The following SCAPER variants were observed in gnomAD, a reference collection of about 807,000 sequenced individuals.
SCAPER encodes S-phase cyclin A associated protein in the ER.
A neutral mutation model predicts 182.2 loss-of-function variants in SCAPER; 98 were observed. That is an observed-to-expected ratio of 0.54 (90% CI 0.46 to 0.64). The LOEUF (loss-of-function observed/expected upper bound fraction) is 0.64, where lower values mean the gene tolerates loss of function less well. Ranked by LOEUF, SCAPER falls within the 30% of genes least tolerant of loss-of-function variation. The pLI is 0.00. For synonymous variants in SCAPER, 605 were observed against 564.6 expected (o/e 1.07, Z -1.01); for missense variants, 1,432 against 1,690.0 (o/e 0.85, Z 2.68).
intron 5 of SCAPER, among the ~76,000 whole-genome samples, chr15:76,837,161 C>G (rs985153496): frequency 6.6e-6 from 1 of 152,258 alleles, no homozygotes; most frequent in East Asian, 1.9e-4. Flanking sequence ...GGTCCAATAT[C>G]TAGAATCTAT....
intron 23 of SCAPER, among the ~76,000 whole-genome samples, chr15:76,546,613 G>A (rs534062773): frequency 6.6e-6 from 1 of 151,424 alleles, no homozygotes; most frequent in African/African-American, 2.4e-5. Flanking sequence ...TTTTCTTTTT[G>A]ATGCTTTTAT....
chr15:76,569,331 T>C (rs965026300), intron 23 of SCAPER, among the ~76,000 whole-genome samples: 2 of 152,174 alleles, frequency 1.3e-5, no homozygotes, highest in African/African-American at 4.8e-5. Context: ...TCTGTTAATA[T>C]GATAGATCAT....
intron 5 of SCAPER, among the ~76,000 whole-genome samples, chr15:76,823,925 A>C (rs375610935): frequency 1.3e-5 from 2 of 152,108 alleles, no homozygotes; most frequent in South Asian, 4.1e-4. Flanking sequence ...AAAACTAACT[A>C]ACTCTGAAGG....
chr15:76,522,682 C>T (rs1346976724), intron 23 of SCAPER, among the ~76,000 whole-genome samples: 1 of 151,878 alleles, frequency 6.6e-6, no homozygotes, highest in African/African-American at 2.4e-5. Flanking sequence ...AGAGGAGTGA[C>T]GACTAAGGTG....
intron 27 of SCAPER, among the ~76,000 whole-genome samples, chr15:76,384,185 C>A (rs1381627534): frequency 2.0e-5 from 3 of 152,160 alleles, no homozygotes; most frequent in Non-Finnish European, 4.4e-5. Flanking sequence ...ATATTTCTCC[C>A]TAAAGCTAAT....
chr15:76,537,405 A>G (rs1330730650), intron 23 of SCAPER, among the ~76,000 whole-genome samples: 2 of 152,216 alleles, frequency 1.3e-5, no homozygotes, highest in Non-Finnish European at 2.9e-5. Context: ...GCCCTCAGAA[A>G]TAACGCTGCT....
intron 14 of SCAPER, among the ~76,000 whole-genome samples, chr15:76,760,158 G>A (rs888281806): frequency 3.3e-5 from 5 of 152,026 alleles, no homozygotes; most frequent in Non-Finnish European, 5.9e-5. Flanking sequence ...ACCTGGTCCC[G>A]CAGATTAGGG....
At chr15:76,426,883 G>A (rs1308850164) in intron 26 of SCAPER, among the ~76,000 whole-genome samples, 1 of 152,136 alleles carries the variant, frequency 6.6e-6, no homozygotes, top group African/African-American at 2.4e-5. Context: ...ATAGACCAAT[G>A]GAACAAAATA....
intron 16 of SCAPER, among the ~76,000 whole-genome samples, chr15:76,729,935 G>A (rs576508369): frequency 2.0e-5 from 3 of 151,854 alleles, no homozygotes; most frequent in South Asian, 2.1e-4. Flanking sequence ...ACAACCTCTC[G>A]GTAGCCTCTC....
intron 8 of SCAPER, among the ~76,000 whole-genome samples, chr15:76,782,459 T>G (rs1380580635): frequency 6.6e-6 from 1 of 152,092 alleles, no homozygotes; most frequent in Admixed American, 6.5e-5. Context: ...ACTATCCACA[T>G]TAGACAGATC....
At chr15:76,735,472 C>A (rs1188105490) in intron 15 of SCAPER, among the ~76,000 whole-genome samples, 3 of 151,918 alleles carry the variant, frequency 2.0e-5, no homozygotes, top group South Asian at 2.1e-4. Context: ...CCGAGACAGG[C>A]AGATTGCCTG....
intron 21 of SCAPER, among the ~76,000 whole-genome samples, chr15:76,629,049 C>T (rs768030128): frequency 2.0e-5 from 3 of 152,208 alleles, no homozygotes; most frequent in Admixed American, 6.5e-5. Flanking sequence ...AATTGCAGTT[C>T]ATCCATGATT....
intron 18 of SCAPER, among the ~76,000 whole-genome samples, chr15:76,705,192 T>C (rs1391076607): frequency 2.0e-5 from 3 of 151,556 alleles, no homozygotes; most frequent in African/African-American, 7.3e-5. Flanking sequence ...GTGGCACATA[T>C]ATACCATGGA....
chr15:76,748,435 A>C (rs972365301), intron 15 of SCAPER, among the ~76,000 whole-genome samples: 1 of 152,144 alleles, frequency 6.6e-6, no homozygotes, highest in Non-Finnish European at 1.5e-5. Flanking sequence ...GTAAATCTTC[A>C]TGATCTTGGA....
chr15:76,536,049 A>C (rs575018624), intron 23 of SCAPER, among the ~76,000 whole-genome samples: 1 of 152,348 alleles, frequency 6.6e-6, no homozygotes. Flanking sequence ...AACCATTCTG[A>C]AAGTATATGT....
Position 76,603,671 on chromosome 15 carries a change from T to C in SCAPER, c.2711+18093A>G, listed in dbSNP as rs1439989015. ...CACAGTGTAAAAGTGTTCCTATTTC[T>C]CCACATCCTCTCCAGCACCTGTTGT... On this transcript the variant is annotated intron_variant, in intron 22 of 31. Coordinates refer to ENST00000563290, the MANE Select transcript of SCAPER (RefSeq NM_020843.4). Among the ~76,000 whole-genome samples the C allele has an allele frequency of 1.6e-5, 2 of 121,474 alleles. 1 individual carries two copies. The highest frequency in any genetic ancestry group is 1.9e-4 in the Admixed American group (2 of 10,670). The allele number at this position is 121,474 out of a possible 152,430, so 79.7% of individuals were successfully genotyped here. A position where few individuals can be genotyped will look rare whatever the true frequency, so the allele number is the denominator to read the frequency against.
At chr15:76,501,103 T>G (rs1458686475) in intron 24 of SCAPER, among the ~76,000 whole-genome samples, 1 of 151,978 alleles carries the variant, frequency 6.6e-6, no homozygotes, top group Non-Finnish European at 1.5e-5. Context: ...AGATACAAAC[T>G]GCCTTGTTTC....
At chr15:76,433,408 T>C (rs2046990708) in intron 26 of SCAPER, among the ~76,000 whole-genome samples, 1 of 152,140 alleles carries the variant, frequency 6.6e-6, no homozygotes, top group Non-Finnish European at 1.5e-5. Flanking sequence ...CTTGGGAGGC[T>C]GAGGCAGAAG....
chr15:76,628,590 G>A (rs1453091835), intron 21 of SCAPER, among the ~76,000 whole-genome samples: 1 of 152,104 alleles, frequency 6.6e-6, no homozygotes, highest in Non-Finnish European at 1.5e-5. Flanking sequence ...GTAGGTGTGT[G>A]GCCTTATTTC....
Sources: gnomAD v4.1 joint callset for allele counts (sites outside exome capture counted in the v4.1 genomes callset) on GRCh38, gnomAD v4.1.1 for gene constraint, MANE v1.5 for transcripts, NCBI Gene and HGNC (gene_info 2026-07-23, HGNC 2026-07-21) for gene names.